The following TBC1D1 variants were observed in gnomAD, a reference collection of about 807,000 sequenced individuals.
TBC1D1 encodes TBC1 domain family member 1, also known as TBC1 (tre-2/USP6, BUB2, cdc16) domain family, member 1.
In TBC1D1, 89 loss-of-function variants were observed where a neutral mutation model predicts 125.6. That is an observed-to-expected ratio of 0.71 (90% CI 0.60 to 0.85). The LOEUF is 0.85. Among genes scored for constraint, TBC1D1 ranks in the 40% least tolerant of loss-of-function variants. TBC1D1 has a pLI of 0.00. For synonymous variants in TBC1D1, 565 were observed against 564.1 expected (o/e 1.00, Z -0.02); for missense variants, 1,377 against 1,469.2 (o/e 0.94, Z 1.03).
At chr4:37,891,675 C>T (rs1422317396) in intron 1 of TBC1D1, among the ~76,000 whole-genome samples, 1 of 141,936 alleles carries the variant, frequency 7.0e-6, no homozygotes, top group East Asian at 2.1e-4. Flanking sequence ...GCCAATTATC[C>T]TAGCGTGTTT....
chr4:37,909,856 G>C (rs977413404), intron 2 of TBC1D1, among the ~76,000 whole-genome samples: 2 of 152,266 alleles, frequency 1.3e-5, no homozygotes, highest in East Asian at 3.9e-4. Flanking sequence ...ACTCAGTGCA[G>C]TGTATCCATG....
rs1427688705 is a variant in TBC1D1 at position 38,133,090 on chromosome 4, G to A, written c.3139G>A (p.Glu1047Lys). The A allele has an allele frequency of 6.2e-7, 1 of 1,609,334 alleles. No individual in the cohort carries two copies. The highest frequency in any genetic ancestry group is 8.5e-7 in the Non-Finnish European group (1 of 1,178,490). The change falls in exon 19 of 20, where the codon GAA becomes AAA. Residue 1047 changes from glutamate to lysine, a missense_variant. By Grantham distance (56) the Glu-to-Lys change is moderately conservative (BLOSUM62 1). Transcript: ENST00000261439. Reference sequence around the variant, plus strand: ...ACTTTTCTTTCTATAACAGGTATTTGAAATGGACATCGCTAAACAGTTACA... The same window carrying A: ...ACTTTTCTTTCTATAACAGGTATTTAAAATGGACATCGCTAAACAGTTACA...
intron 1 of TBC1D1, among the ~76,000 whole-genome samples, chr4:37,892,525 A>C (rs1278493174): frequency 4.6e-5 from 7 of 152,210 alleles, no homozygotes; most frequent in Admixed American, 4.6e-4. Context: ...CAAAGCAGGA[A>C]ATAAAATCAT....
At chr4:37,894,685 T>A (rs1217681143) in intron 1 of TBC1D1, among the ~76,000 whole-genome samples, 1 of 152,210 alleles carries the variant, frequency 6.6e-6, no homozygotes, top group East Asian at 1.9e-4. Context: ...CAGTGAGCAC[T>A]CAATATTATT....
chr4:38,084,543 T>G (rs577448470), intron 12 of TBC1D1, among the ~76,000 whole-genome samples: 11 of 152,248 alleles, frequency 7.2e-5, no homozygotes, highest in Non-Finnish European at 1.5e-4. Context: ...TAAGTCTACA[T>G]GGTCATTTTA....
At chr4:38,035,724 T>TGTTGCCAAGTC (rs199942079) in intron 8 of TBC1D1, 26 bp downstream of exon 8, 1 of 1,540,252 alleles carries the variant, frequency 6.5e-7, no homozygotes, top group East Asian at 2.2e-5. Flanking sequence ...CTCTTGTAAT[T>TGTTGCCAAGTC]GTTGCCAAGT....
intron 15 of TBC1D1, among the ~76,000 whole-genome samples, chr4:38,114,469 A>C (rs1170271939): frequency 6.6e-6 from 1 of 152,192 alleles, no homozygotes; most frequent in Non-Finnish European, 1.5e-5. Context: ...GAGACCGAAT[A>C]ATTGCAGTGA....
chr4:38,119,207 ACTT>A (rs1290549633), intron 17 of TBC1D1, among the ~76,000 whole-genome samples: 1 of 152,196 alleles, frequency 6.6e-6, no homozygotes, highest in Admixed American at 6.5e-5. Context: ...CATTGATACT[ACTT>A]CAGACATGCT....
intron 15 of TBC1D1, among the ~76,000 whole-genome samples, chr4:38,105,308 C>T (rs149064775): frequency 6.6e-6 from 1 of 152,188 alleles, no homozygotes; most frequent in South Asian, 2.1e-4. Context: ...ATCCTTACAA[C>T]ATGATCAGGT....
chr4:38,057,394 G>A (rs1248272372), intron 12 of TBC1D1, among the ~76,000 whole-genome samples: 2 of 152,156 alleles, frequency 1.3e-5, no homozygotes, highest in Non-Finnish European at 2.9e-5. Flanking sequence ...CATGTTCACA[G>A]GTTCATCTTT....
chr4:38,037,520 T>G (rs1175099498), intron 8 of TBC1D1, among the ~76,000 whole-genome samples: 1 of 152,148 alleles, frequency 6.6e-6, no homozygotes, highest in East Asian at 1.9e-4. Flanking sequence ...TATAGACCCA[T>G]TAGGCACAGC....
chr4:38,049,810 C>T lies in TBC1D1; in HGVS notation c.1822C>T (p.Pro608Ser), dbSNP rs751482503. ...CTTCCCCATCGAATGCCAGGAACCT[C>T]CACAACCTGCCCGGGGGTCCCCGGG... The change falls in exon 11 of 20, where the codon CCA becomes TCA. Residue 608 changes from proline to serine, a missense_variant. Coordinates refer to ENST00000261439, the MANE Select transcript of TBC1D1 (RefSeq NM_015173.4). The T allele has an allele frequency of 6.2e-7, 1 of 1,614,166 alleles. No individual in the cohort carries two copies. The highest frequency in any genetic ancestry group is 8.5e-7 in the Non-Finnish European group (1 of 1,180,012).
chr4:38,104,485 G>T (rs1016006977), intron 15 of TBC1D1, among the ~76,000 whole-genome samples: 2 of 152,194 alleles, frequency 1.3e-5, no homozygotes, highest in African/African-American at 4.8e-5. Flanking sequence ...CTGGTGGTGA[G>T]CTGGCTCGAT....
chr4:38,090,432 CCT>C (rs1030178275), intron 13 of TBC1D1, among the ~76,000 whole-genome samples: 3 of 149,586 alleles, frequency 2.0e-5, no homozygotes, highest in African/African-American at 7.3e-5. Context: ...TTTGTTTTCC[CCT>C]CTGTCTCTCT....
intron 2 of TBC1D1, among the ~76,000 whole-genome samples, chr4:37,903,587 AAGTT>A (rs371102784): frequency 1.7e-4 from 26 of 152,284 alleles, no homozygotes; most frequent in African/African-American, 6.0e-4. Context: ...AGAAATGCTA[AAGTT>A]TTCTCTCTGC....
intron 2 of TBC1D1, among the ~76,000 whole-genome samples, chr4:37,919,729 T>C (rs924124490): frequency 6.6e-6 from 1 of 152,334 alleles, no homozygotes; most frequent in South Asian, 2.1e-4. Flanking sequence ...TCTGTGCTGA[T>C]AGTTAAAAGT....
chr4:38,029,707 C>T (rs1414462754), intron 7 of TBC1D1, among the ~76,000 whole-genome samples: 1 of 152,136 alleles, frequency 6.6e-6, no homozygotes, highest in African/African-American at 2.4e-5. Context: ...TTGTCTTATT[C>T]CCTTGTTCTC....
At chr4:37,947,607 C>A (rs988058651) in intron 2 of TBC1D1, among the ~76,000 whole-genome samples, 1 of 152,154 alleles carries the variant, frequency 6.6e-6, no homozygotes, top group Admixed American at 6.5e-5. Context: ...AGGTGAGCAC[C>A]ACTGCACTTC....
intron 12 of TBC1D1, among the ~76,000 whole-genome samples, chr4:38,057,342 C>T (rs2152491668): frequency 6.6e-6 from 1 of 152,322 alleles, no homozygotes; most frequent in Non-Finnish European, 1.5e-5. Context: ...CTCCCCTTCC[C>T]TTGTATCCTG....
Sources: gnomAD v4.1 joint callset for allele counts (sites outside exome capture counted in the v4.1 genomes callset) on GRCh38, gnomAD v4.1.1 for gene constraint, MANE v1.5 for transcripts, NCBI Gene and HGNC (gene_info 2026-07-23, HGNC 2026-07-21) for gene names.